Variants in PGR observed in about 807,000 individuals in gnomAD.
PGR encodes the protein nuclear receptor subfamily 3 group C member 3.
Under a neutral mutation model 76.1 loss-of-function variants are expected in PGR, and 25 were observed. The observed-to-expected ratio is 0.33, with a 90% CI of 0.24 to 0.46. The LOEUF (loss-of-function observed/expected upper bound fraction) is 0.46. Among genes scored for constraint, PGR ranks in the 20% least tolerant of loss-of-function variants. The pLI is 1.00. For synonymous variants in PGR, 579 were observed against 535.0 expected (o/e 1.08, Z -1.14); for missense variants, 1,172 against 1,225.3 (o/e 0.96, Z 0.65).
intron 3 of PGR, among the ~76,000 whole-genome samples, chr11:101,074,874 A>G (rs1361696580): frequency 6.6e-6 from 1 of 152,218 alleles, no homozygotes; most frequent in Non-Finnish European, 1.5e-5. Flanking sequence ...AGAAGAATCA[A>G]TATCATGAAA....
chr11:101,094,358 G>A (rs964541905), intron 2 of PGR, among the ~76,000 whole-genome samples: 1 of 152,098 alleles, frequency 6.6e-6, no homozygotes, highest in African/African-American at 2.4e-5. Flanking sequence ...TTCCTGACCT[G>A]AATCATTTGC....
intron 3 of PGR, among the ~76,000 whole-genome samples, chr11:101,068,862 T>C (rs1242249959): frequency 6.6e-6 from 1 of 152,008 alleles, no homozygotes; most frequent in Non-Finnish European, 1.5e-5. Flanking sequence ...AATACAAAAA[T>C]TAACTCAAGA....
chr11:101,107,441 T>C (rs1862200640), intron 2 of PGR, among the ~76,000 whole-genome samples: 1 of 152,222 alleles, frequency 6.6e-6, no homozygotes, highest in South Asian at 2.1e-4. Flanking sequence ...TACTTAGTTA[T>C]AATTGACATC....
rs185105378 is a variant in PGR, at chr11:101,042,986, G to C, written c.2489-884C>G. 4.3e-3 allele frequency among the ~76,000 whole-genome samples: 658 copies of C among 152,272 alleles called. 4 individuals are homozygous for C. Among genetic ancestry groups the C allele is most frequent in the African/African-American group, 0.013 (524 of 41,566 alleles). On this transcript the variant is annotated intron_variant, in intron 6 of 7. Transcript: ENST00000325455. The stretch of plus-strand genomic sequence containing the variant: ...AATGTTGATGGCTGCTGATTGGCCA[G>C]GGTGGTGGTTGCTGAAGGTTGGGGT...
Position 101,127,933 on chromosome 11 carries a change from A to AGTC in PGR, c.1135_1137dup (p.Asp379dup), listed in dbSNP as rs754967114. The AGTC allele has an allele frequency of 1.9e-6, 3 of 1,611,222 alleles. 1 individual carries two copies. In the South Asian group the frequency reaches 3.3e-5, roughly 18 times the overall value. The stretch of plus-strand genomic sequence containing the variant: ...TTTATCTTTAGAGCGGGCGGCTGGA[A>AGTC]GTCGCTATAGAGAGGGTACGCGTCG... On this transcript the variant is annotated inframe_insertion, in exon 1 of 8. Coordinates refer to ENST00000325455, the MANE Select transcript of PGR (RefSeq NM_000926.4).
chr11:101,049,893 T>C, intron 6 of PGR, 36 bp downstream of exon 6: 1 of 1,565,168 alleles, frequency 6.4e-7, no homozygotes. Context: ...ATTAAGAAAC[T>C]AGATATCTTG....
intron 6 of PGR, among the ~76,000 whole-genome samples, chr11:101,044,700 CTTTTTT>C (rs34361620): frequency 5.3e-5 from 4 of 75,894 alleles, no homozygotes; most frequent in African/African-American, 9.3e-5. Context: ...GGCCTAATTG[CTTTTTT>C]TTTTTTTTTT....
intron 1 of PGR, among the ~76,000 whole-genome samples, chr11:101,126,778 G>A (rs969120574): frequency 5.9e-5 from 9 of 152,058 alleles, no homozygotes; most frequent in Non-Finnish European, 1.3e-4. Context: ...AAAAATTGTA[G>A]TGAATAGCAA....
intron 2 of PGR, among the ~76,000 whole-genome samples, chr11:101,102,981 A>G (rs936794190): frequency 4.6e-5 from 7 of 151,846 alleles, no homozygotes; most frequent in African/African-American, 1.2e-4. Flanking sequence ...GCAGTTTGCA[A>G]TAGGGTTTGC....
At chr11:101,109,525 T>G (rs959707952) in intron 2 of PGR, among the ~76,000 whole-genome samples, 1 of 152,110 alleles carries the variant, frequency 6.6e-6, no homozygotes, top group African/African-American at 2.4e-5. Flanking sequence ...CCAAACCTAA[T>G]CCAGAGCAAG....
In PGR at chr11:101,072,900, A is replaced by T. The variant is rs1198315840; in HGVS notation, c.1907-10148T>A. On this transcript the variant is annotated intron_variant, in intron 3 of 7. Coordinates refer to ENST00000325455, the MANE Select transcript of PGR (RefSeq NM_000926.4). Reference sequence around the variant, plus strand: ...AGACTTTTAACACCCTACTGTCAATATTAGACAGATCAACAAGACAGAAAA... The same window carrying T: ...AGACTTTTAACACCCTACTGTCAATTTTAGACAGATCAACAAGACAGAAAA... Among the ~76,000 whole-genome samples the T allele has an allele frequency of 3.9e-5, 6 of 152,316 alleles. No homozygotes were observed. In the South Asian group the frequency reaches 6.2e-4, roughly 16 times the overall value.
rs375241254 is a variant in PGR at position 101,129,702 on chromosome 11, C to G, written c.-632G>C. On this transcript the variant is annotated 5_prime_UTR_variant, in exon 1 of 8. Coordinates refer to ENST00000325455, the MANE Select transcript of PGR (RefSeq NM_000926.4). Reference sequence around the variant, plus strand: ...CCCAGTAGTGCGGGAGCACTAGCCGCCTCGGGTTGTAGATTTCACTCAAAT... The same window carrying G: ...CCCAGTAGTGCGGGAGCACTAGCCGGCTCGGGTTGTAGATTTCACTCAAAT... 1.1e-5 allele frequency: 2 copies of G among 180,944 alleles called. No individual in the cohort carries two copies. The highest frequency in any genetic ancestry group is 1.2e-5 in the Non-Finnish European group (1 of 84,768). 11.2% of individuals were successfully genotyped at this position (180,944 alleles called of 1,614,324 possible). A position where few individuals can be genotyped will look rare whatever the true frequency, so the allele number is the denominator to read the frequency against.
intron 4 of PGR, among the ~76,000 whole-genome samples, chr11:101,055,051 G>A (rs1179062299): frequency 6.6e-6 from 1 of 151,886 alleles, no homozygotes; most frequent in East Asian, 1.9e-4. Context: ...GTTTGTTCTG[G>A]AATATATATT....
At position 101,077,995 on chromosome 11, in the gene PGR, G is replaced by A. The variant is rs11571199; in HGVS notation, c.1906+13765C>T. Among the ~76,000 whole-genome samples the A allele has an allele frequency of 5.1e-3, 776 of 152,298 alleles. 4 individuals carry two copies. The highest frequency in any genetic ancestry group is 0.017 in the African/African-American group (719 of 41,552). ...TATTAAAGGCACAGAGCAGGACTCT[G>A]TACTTCTAGAAAAGATACCACTGTG... On this transcript the variant is annotated intron_variant, in intron 3 of 7. Coordinates refer to ENST00000325455, the MANE Select transcript of PGR (RefSeq NM_000926.4).
chr11:101,030,754 T>A lies in PGR; in HGVS notation c.*8362A>T, dbSNP rs1591358634. 1 of 205,260 alleles carries A rather than the reference T, an allele frequency of 4.9e-6. No homozygotes were observed. Among genetic ancestry groups the A allele is most frequent in the East Asian group, 7.4e-5 (1 of 13,430 alleles). The allele number at this position is 205,260 out of a possible 1,614,324, so 12.7% of individuals were successfully genotyped here. ...TCTCAAGCGAAAAACATGGTCTAAA[T>A]CTCAAAGGTATCCTTAAAAGGTGGA... is the stretch of plus-strand genomic sequence containing the variant. On this transcript the variant is annotated 3_prime_UTR_variant, in exon 8 of 8. Transcript: ENST00000325455.
At chr11:101,089,210 G>A (rs1369056583) in intron 3 of PGR, among the ~76,000 whole-genome samples, 1 of 151,738 alleles carries the variant, frequency 6.6e-6, no homozygotes, top group Admixed American at 6.6e-5. Flanking sequence ...AGCTGCGATA[G>A]CTGGAAAAAA....
At position 101,128,910 on chromosome 11, in the gene PGR, G is replaced by A. The variant is rs369863850; in HGVS notation, c.161C>T (p.Ser54Phe). The change falls in exon 1 of 8, where the codon TCC becomes TTC. Residue 54 changes from serine (S) to phenylalanine (F), a missense_variant. Ser to Phe is a radical substitution (Grantham distance 155). Around this residue, in one of 4 missense-constraint regions of PGR, gnomAD observed 893 missense variants for 785.9 expected, o/e 1.14. Coordinates refer to ENST00000325455, the MANE Select transcript of PGR (RefSeq NM_000926.4). ...TLPEVSAIPI[S>F]LDGLLFPRPC... ...CCGAGGGAAGAGTAGCCCGTCCAGG[G>A]AGATAGGTATGGCCGAAACTTCAGG... 2 of 1,613,898 alleles carry A rather than the reference G, an allele frequency of 1.2e-6. No homozygotes were observed. Among genetic ancestry groups the A allele is most frequent in the Non-Finnish European group, 1.7e-6 (2 of 1,179,976 alleles).
chr11:101,092,407 T>G (rs1861702939), intron 2 of PGR, among the ~76,000 whole-genome samples: 1 of 152,226 alleles, frequency 6.6e-6, no homozygotes, highest in Admixed American at 6.5e-5. Flanking sequence ...GAAGAGCATG[T>G]AAAAAAGATC....
intron 3 of PGR, among the ~76,000 whole-genome samples, chr11:101,071,486 T>C (rs1383694034): frequency 6.6e-6 from 1 of 151,646 alleles, no homozygotes; most frequent in East Asian, 2.0e-4. Context: ...TTTGACAAAT[T>C]GACAGAAGTA....
Sources: allele counts gnomAD v4.1 joint callset (sites outside exome capture counted in the v4.1 genomes callset), GRCh38; gene constraint gnomAD v4.1.1; regional missense constraint gnomAD v4.1.1; transcripts MANE v1.5; gene names NCBI Gene and HGNC (gene_info 2026-07-23, HGNC 2026-07-21).